The following DGKB variants were observed in gnomAD, a reference collection of about 807,000 sequenced individuals.
The protein encoded by DGKB is diacylglycerol kinase beta, also known as 90 kDa diacylglycerol kinase.
Under a neutral mutation model 114.3 loss-of-function variants are expected in DGKB, and 67 were observed. The ratio of observed to expected loss-of-function variants is 0.59; its 90% CI spans 0.48 to 0.72. The LOEUF is 0.72. DGKB is among the 30% of genes least tolerant of loss of function. The pLI is 0.00. For synonymous variants in DGKB, 398 were observed against 323.1 expected (o/e 1.23, Z -2.49); for missense variants, 907 against 975.2 (o/e 0.93, Z 0.93).
intron 19 of DGKB, among the ~76,000 whole-genome samples, chr7:14,576,323 C>A (rs1799112212): frequency 1.3e-5 from 2 of 151,760 alleles, no homozygotes; most frequent in South Asian, 4.2e-4. Flanking sequence ...AATAGTGCTA[C>A]CTTATTTTAA....
At chr7:14,286,228 C>G (rs893738698) in intron 23 of DGKB, among the ~76,000 whole-genome samples, 1 of 152,062 alleles carries the variant, frequency 6.6e-6, no homozygotes, top group African/African-American at 2.4e-5. Flanking sequence ...TCAGCCTTGC[C>G]CAGGGCTATG....
rs554296057 is a variant in DGKB at position 14,352,810 on chromosome 7, C to G, written c.1836-7419G>C. ...TGGTGGCGCGTGCCTATAATCCCAG[C>G]TACTCGGGAGGCTGAGGCAGGAGAA... On this transcript the variant is annotated intron_variant, in intron 21 of 25. Coordinates refer to ENST00000402815, the MANE Select transcript of DGKB (RefSeq NM_001350709.2). 1.3e-4 allele frequency among the ~76,000 whole-genome samples: 20 copies of G among 152,202 alleles called. 1 individual carries two copies. The East Asian group carries it at 3.9e-3, about 29-fold the overall frequency.
chr7:14,438,670 A>G (rs1001356264), intron 21 of DGKB, among the ~76,000 whole-genome samples: 1 of 152,172 alleles, frequency 6.6e-6, no homozygotes, highest in Non-Finnish European at 1.5e-5. Flanking sequence ...GCATAGTTAG[A>G]TGCAATATTT....
intron 20 of DGKB, among the ~76,000 whole-genome samples, chr7:14,528,278 A>C (rs1790970564): frequency 1.3e-5 from 2 of 152,046 alleles, no homozygotes; most frequent in African/African-American, 2.4e-5. Flanking sequence ...TTTTGCCCTG[A>C]TGCAGACTGC....
At chr7:14,621,612 T>G (rs1442816015) in intron 14 of DGKB, 118 bp from the exon 15 acceptor site, 9 of 613,448 alleles carry the variant, frequency 1.5e-5, no homozygotes, top group African/African-American at 2.3e-5. Context: ...AACTTTCTAA[T>G]TTGAAGTTCC....
chr7:14,949,574 G>A (rs971765952), intron 1 of DGKB, among the ~76,000 whole-genome samples: 1 of 151,908 alleles, frequency 6.6e-6, no homozygotes, highest in Admixed American at 6.6e-5. Context: ...AGGAGATTTA[G>A]AAGCAATAAA....
rs147812175 is a variant in DGKB at position 14,431,040 on chromosome 7, C to T, written c.1835+47121G>A. ...TGCCTTCTTGTTTTGATCTTTCAGG[C>T]GATGTGACTTTCCTGGCTATAGTTG... On this transcript the variant is annotated intron_variant, in intron 21 of 25. Coordinates refer to ENST00000402815, the MANE Select transcript of DGKB (RefSeq NM_001350709.2). Among the ~76,000 whole-genome samples, 1,310 of 152,154 alleles carry T rather than the reference C, an allele frequency of 8.6e-3. 12 individuals carry two copies. Among genetic ancestry groups the T allele is most frequent in the Middle Eastern group, 0.017 (5 of 292 alleles).
intron 23 of DGKB, among the ~76,000 whole-genome samples, chr7:14,254,974 G>C (rs1795751904): frequency 6.6e-6 from 1 of 152,046 alleles, no homozygotes; most frequent in Admixed American, 6.6e-5. Context: ...TCTTTTAAAC[G>C]TGGCAAGGCA....
chr7:14,826,561 A>C (rs1695423934), intron 2 of DGKB, among the ~76,000 whole-genome samples: 1 of 152,116 alleles, frequency 6.6e-6, no homozygotes, highest in Admixed American at 6.6e-5. Flanking sequence ...ATCACCTAAA[A>C]GATAATATAT....
At chr7:14,259,456 T>A (rs1270839606) in intron 23 of DGKB, among the ~76,000 whole-genome samples, 2 of 152,030 alleles carry the variant, frequency 1.3e-5, no homozygotes, top group Admixed American at 6.6e-5. Context: ...AGACGGAGTC[T>A]TGCTCTGTCA....
At chr7:14,862,990 T>C (rs1216402811) in intron 1 of DGKB, among the ~76,000 whole-genome samples, 1 of 152,068 alleles carries the variant, frequency 6.6e-6, no homozygotes, top group East Asian at 1.9e-4. Context: ...TTATATTAGA[T>C]ACTGTAAGAG....
chr7:14,694,268 T>C, intron 8 of DGKB, 74 bp from the exon 9 acceptor site: 3 of 1,342,146 alleles, frequency 2.2e-6, no homozygotes, highest in East Asian at 2.5e-5. Context: ...ACATATGAAA[T>C]TGTGACTAAC....
chr7:14,950,023 G>T (rs1786098361), intron 1 of DGKB, among the ~76,000 whole-genome samples: 1 of 151,754 alleles, frequency 6.6e-6, no homozygotes, highest in Admixed American at 6.6e-5. Flanking sequence ...AATGCGTGCA[G>T]CACACCAACA....
chr7:14,151,776 T>C (rs936124042), intron 25 of DGKB, among the ~76,000 whole-genome samples: 1 of 152,142 alleles, frequency 6.6e-6, no homozygotes, highest in African/African-American at 2.4e-5. Context: ...TGGTTGTATT[T>C]TCTTCTTTGT....
chr7:14,672,848 C>G, intron 13 of DGKB, 81 bp downstream of exon 13: 1 of 766,268 alleles, frequency 1.3e-6, no homozygotes, highest in Admixed American at 2.7e-5. Context: ...GAAAAATTAT[C>G]TCTAGAAGCT....
At chr7:14,474,454 A>G (rs978570671) in intron 21 of DGKB, among the ~76,000 whole-genome samples, 1 of 152,188 alleles carries the variant, frequency 6.6e-6, no homozygotes, top group African/African-American at 2.4e-5. Context: ...AAAACAGAGT[A>G]ATACACTGCC....
chr7:14,634,546 A>G (rs1419417181), intron 13 of DGKB, among the ~76,000 whole-genome samples: 2 of 151,060 alleles, frequency 1.3e-5, no homozygotes, highest in African/African-American at 4.8e-5. Flanking sequence ...TGGCTTGAAT[A>G]ATGTGAATTA....
At chr7:14,753,252 C>A (rs1240937802) in intron 4 of DGKB, among the ~76,000 whole-genome samples, 1 of 152,124 alleles carries the variant, frequency 6.6e-6, no homozygotes, top group Non-Finnish European at 1.5e-5. Flanking sequence ...TACATTTTAG[C>A]AAGAAATATT....
chr7:14,652,550 G>A (rs1432495036), intron 13 of DGKB, among the ~76,000 whole-genome samples: 12 of 151,826 alleles, frequency 7.9e-5, no homozygotes, highest in Non-Finnish European at 1.6e-4. Context: ...AAAAACCCTA[G>A]AAGAAAACCT....
Sources: allele counts gnomAD v4.1 joint callset (sites outside exome capture counted in the v4.1 genomes callset), GRCh38; gene constraint gnomAD v4.1.1; transcripts MANE v1.5; gene names NCBI Gene and HGNC (gene_info 2026-07-23, HGNC 2026-07-21).